HTR2C: variants seen among roughly 807,000 people sequenced by gnomAD.
HTR2C encodes 5-hydroxytryptamine receptor 2C.
In HTR2C, 5 loss-of-function variants were observed where a neutral mutation model predicts 21.0. The observed-to-expected ratio is 0.24, with a 90% CI of 0.12 to 0.50. The LOEUF is 0.50. HTR2C is among the 20% of genes least tolerant of loss of function. The pLI is 0.98. For synonymous variants in HTR2C, 150 were observed against 145.3 expected, an observed-to-expected ratio of 1.03 and a Z score of -0.23; for missense variants, 271 against 371.2, an observed-to-expected ratio of 0.73 and a Z score of 2.22.
chrX:114,764,626 A>G (rs1232510399), intron 4 of HTR2C, among the ~76,000 whole-genome samples: 1 of 111,603 alleles, frequency 9.0e-6, no homozygotes, highest in East Asian at 2.8e-4. Context: ...TGTTCCAAGT[A>G]TTATACATGT....
chrX:114,738,304 T>C (rs1465988213), intron 4 of HTR2C, among the ~76,000 whole-genome samples: 1 of 111,790 alleles, frequency 8.9e-6, no homozygotes, highest in Admixed American at 9.5e-5. Context: ...AAATGTATGT[T>C]AGGTGGTGGA....
intron 4 of HTR2C, chrX:114,775,432 C>A: frequency 1.9e-6 from 1 of 519,980 alleles, no homozygotes. Context: ...ATAGCACACT[C>A]ACCTTCATAA....
At chrX:114,845,877 G>C (rs1458683891) in intron 4 of HTR2C, among the ~76,000 whole-genome samples, 1 of 109,477 alleles carries the variant, frequency 9.1e-6, no homozygotes, top group East Asian at 2.9e-4. Context: ...GACAGGTATG[G>C]TGCCACATGT....
At chrX:114,751,514 G>T (rs1349419959) in intron 4 of HTR2C, among the ~76,000 whole-genome samples, 1 of 111,634 alleles carries the variant, frequency 9.0e-6, no homozygotes, top group Non-Finnish European at 1.9e-5. Flanking sequence ...TTGATTAGAG[G>T]AAAATTAAAA....
chrX:114,827,140 T>C (rs1021855380), intron 4 of HTR2C, among the ~76,000 whole-genome samples: 1 of 111,200 alleles, frequency 9.0e-6, no homozygotes, highest in Admixed American at 9.6e-5. Context: ...ATATTTTCAT[T>C]ATAGTTAACA....
At chrX:114,767,195 T>G (rs1328291083) in intron 4 of HTR2C, among the ~76,000 whole-genome samples, 1 of 111,244 alleles carries the variant, frequency 9.0e-6, no homozygotes, top group Non-Finnish European at 1.9e-5. Context: ...ATGTAATTGA[T>G]AAGATCATGA....
intron 2 of HTR2C, among the ~76,000 whole-genome samples, chrX:114,724,044 G>A (rs1410216170): frequency 7.2e-4 from 75 of 104,629 alleles, no homozygotes; most frequent in African/African-American, 2.4e-3. Context: ...TCTTGGTGCA[G>A]AGCTGAGTTC....
intron 5 of HTR2C, among the ~76,000 whole-genome samples, chrX:114,872,698 A>G (rs1220348995): frequency 1.8e-5 from 2 of 110,704 alleles, no homozygotes; most frequent in Non-Finnish European, 1.9e-5. Context: ...ATCATTGAGG[A>G]TTGTTTTGAC....
chrX:114,607,028 AG>A (rs1391629719), intron 1 of HTR2C, among the ~76,000 whole-genome samples: 1 of 108,222 alleles, frequency 9.2e-6, no homozygotes, highest in Non-Finnish European at 1.9e-5. Context: ...CTTTTGAGCC[AG>A]GATGATCCAG....
chrX:114,618,154 A>T (rs1223287332), intron 2 of HTR2C, among the ~76,000 whole-genome samples: 1 of 112,334 alleles, frequency 8.9e-6, no homozygotes, highest in Non-Finnish European at 1.9e-5. Context: ...TAACTTAGCC[A>T]ACTGATAACT....
At chrX:114,726,778 T>C in intron 2 of HTR2C, 80 bp from the exon 3 acceptor site, 1 of 409,575 alleles carries the variant, frequency 2.4e-6, no homozygotes, top group Non-Finnish European at 4.2e-6. Flanking sequence ...ATTAAGTGCA[T>C]TTAAGTTTAT....
intron 2 of HTR2C, among the ~76,000 whole-genome samples, chrX:114,627,125 A>G (rs1402798628): frequency 3.6e-5 from 4 of 112,026 alleles, no homozygotes; most frequent in Non-Finnish European, 5.6e-5. Context: ...TAGTTTTTAA[A>G]AGGCAAAACA....
chrX:114,798,488 A>C, intron 4 of HTR2C, among the ~76,000 whole-genome samples: 1 of 111,771 alleles, frequency 8.9e-6, no homozygotes, highest in Middle Eastern at 4.6e-3. Context: ...TATGTATTTT[A>C]GCATGCTTTA....
intron 4 of HTR2C, among the ~76,000 whole-genome samples, chrX:114,790,094 T>C (rs782708178): frequency 8.9e-6 from 1 of 112,104 alleles, no homozygotes; most frequent in South Asian, 3.7e-4. Context: ...AGATAGACTA[T>C]AAGTGGTTGA....
intron 4 of HTR2C, among the ~76,000 whole-genome samples, chrX:114,736,509 T>C (rs1057041494): frequency 8.9e-6 from 1 of 111,935 alleles, no homozygotes; most frequent in Non-Finnish European, 1.9e-5. Flanking sequence ...AAATGGCAGT[T>C]AAGAATATCT....
intron 2 of HTR2C, among the ~76,000 whole-genome samples, chrX:114,648,327 T>C (rs1171791893): frequency 1.8e-5 from 2 of 111,440 alleles, no homozygotes; most frequent in Non-Finnish European, 3.8e-5. Context: ...ACCTTCCTGC[T>C]TCTGCTGTTT....
intron 4 of HTR2C, among the ~76,000 whole-genome samples, chrX:114,826,272 A>G (rs1316617197): frequency 9.1e-6 from 1 of 109,906 alleles, no homozygotes; most frequent in African/African-American, 3.3e-5. Flanking sequence ...GGATCTCCCT[A>G]TGTTTCCCAG....
intron 2 of HTR2C, among the ~76,000 whole-genome samples, chrX:114,708,163 G>A (rs923196027): frequency 9.0e-6 from 1 of 110,893 alleles, no homozygotes; most frequent in African/African-American, 3.3e-5. Flanking sequence ...AATTCTATTG[G>A]CTAATTTTAT....
chrX:114,882,277 C>T (rs1315868610), intron 5 of HTR2C, among the ~76,000 whole-genome samples: 3 of 110,535 alleles, frequency 2.7e-5, no homozygotes, highest in Non-Finnish European at 5.7e-5. Flanking sequence ...ATATACAAGA[C>T]ATGTCATCTT....
Sources: gnomAD v4.1 joint callset for allele counts (sites outside exome capture counted in the v4.1 genomes callset) on GRCh38, gnomAD v4.1.1 for gene constraint, MANE v1.5 for transcripts, NCBI Gene and HGNC (gene_info 2026-07-23, HGNC 2026-07-21) for gene names.